Variants in MSH3 observed in about 807,000 individuals in gnomAD.
MSH3 encodes the protein mutS homolog 3.
In MSH3, 106 loss-of-function variants were observed where a neutral mutation model predicts 123.3. That is an observed-to-expected ratio of 0.86 (90% CI 0.73 to 1.01). The LOEUF is 1.01. Ranked by LOEUF, MSH3 falls within the 50% of genes least tolerant of loss-of-function variation. MSH3 has a pLI of 0.00. For synonymous variants in MSH3, 515 were observed against 481.4 expected, an observed-to-expected ratio of 1.07 and a Z score of -0.91; for missense variants, 1,459 against 1,347.6, an observed-to-expected ratio of 1.08 and a Z score of -1.29.
intron 23 of MSH3, among the ~76,000 whole-genome samples, chr5:80,873,574 C>G (rs1306404094): frequency 6.6e-6 from 1 of 152,134 alleles, no homozygotes; most frequent in Non-Finnish European, 1.5e-5. Context: ...TTTAAAGATT[C>G]AGTATGCCAA....
intron 8 of MSH3, among the ~76,000 whole-genome samples, chr5:80,688,874 T>C (rs1750160109): frequency 6.6e-6 from 1 of 152,210 alleles, no homozygotes; most frequent in South Asian, 2.1e-4. Flanking sequence ...AATTTCGTGA[T>C]TGCAGTGTTA....
At position 80,834,103 on chromosome 5, in the gene MSH3, G is replaced by A. The variant is rs141706923; in HGVS notation, c.2814-20027G>A. On this transcript the variant is annotated intron_variant, in intron 20 of 23. Coordinates refer to ENST00000265081, the MANE Select transcript of MSH3 (RefSeq NM_002439.5). ...TCATGAGCCAGTATTTCTTCAGTGT[G>A]TATTCAGCATTGCTACTTCCATTGG... 7.4e-3 allele frequency among the ~76,000 whole-genome samples: 1,127 copies of A among 152,272 alleles called. 8 individuals carry two copies. Among genetic ancestry groups the A allele is most frequent in the Middle Eastern group, 0.058 (17 of 294 alleles).
In MSH3 at chr5:80,860,458, T is replaced by TTC. The variant is rs1444074061; in HGVS notation, c.3001-4355_3001-4354insTC. 6.2e-4 allele frequency among the ~76,000 whole-genome samples: 94 copies of TTC among 151,340 alleles called. 1 individual carries two copies. The highest frequency in any genetic ancestry group is 3.3e-3 in the South Asian group (16 of 4,804). Reference sequence around the variant, plus strand: ...GAGGTTTGTTGTTTTTTTTTTTTTTTCCTCTCAAAACTTTAGATATTTTAC... The same window carrying TTC: ...GAGGTTTGTTGTTTTTTTTTTTTTTTTCCCTCTCAAAACTTTAGATATTTTAC... On this transcript the variant is annotated intron_variant, in intron 21 of 23. Transcript: ENST00000265081.
chr5:80,693,640 C>A (rs1036903428), intron 8 of MSH3, among the ~76,000 whole-genome samples: 2 of 144,640 alleles, frequency 1.4e-5, no homozygotes, highest in Non-Finnish European at 3.1e-5. Flanking sequence ...CACACACACA[C>A]ACACACACAA....
chr5:80,810,860 A>T (rs1001399408), intron 19 of MSH3, among the ~76,000 whole-genome samples: 1 of 152,076 alleles, frequency 6.6e-6, no homozygotes, highest in Non-Finnish European at 1.5e-5. Context: ...ACTATGGTAA[A>T]TTGTATCATT....
chr5:80,800,976 G>A (rs1744780197), intron 19 of MSH3, among the ~76,000 whole-genome samples: 1 of 152,180 alleles, frequency 6.6e-6, no homozygotes, highest in Non-Finnish European at 1.5e-5. Flanking sequence ...GGGAGTTGAT[G>A]TTTGAGTGTA....
At chr5:80,700,447 T>C (rs896032539) in intron 8 of MSH3, among the ~76,000 whole-genome samples, 1 of 152,212 alleles carries the variant, frequency 6.6e-6, no homozygotes, top group East Asian at 1.9e-4. Flanking sequence ...TGTTTGCCAC[T>C]GGGAAACCAT....
At chr5:80,785,910 A>G (rs909708606) in intron 17 of MSH3, among the ~76,000 whole-genome samples, 2 of 143,166 alleles carry the variant, frequency 1.4e-5, no homozygotes, top group African/African-American at 5.1e-5. Context: ...CAAACACCAC[A>G]TGTTCTTACT....
Position 80,792,850 on chromosome 5 carries a change from T to A in MSH3, c.2655+6T>A. ...CAAATAATACAGATTTATCAGTAAGTACCTTATGCCAAAAAATAAGTCGAT... is the reference window on the plus strand; with the variant it reads ...CAAATAATACAGATTTATCAGTAAGAACCTTATGCCAAAAAATAAGTCGAT... On this transcript the variant is annotated splice_donor_region_variant and intron_variant, in intron 19 of 23. Coordinates refer to ENST00000265081, the MANE Select transcript of MSH3 (RefSeq NM_002439.5). 6.5e-7 allele frequency: 1 copy of A among 1,539,568 alleles called. No individual in the cohort carries two copies. Among genetic ancestry groups the A allele is most frequent in the Non-Finnish European group, 9.0e-7 (1 of 1,112,748 alleles).
At chr5:80,708,947 G>T (rs949337074) in intron 8 of MSH3, among the ~76,000 whole-genome samples, 27 of 151,828 alleles carry the variant, frequency 1.8e-4, no homozygotes, top group Non-Finnish European at 3.2e-4. Context: ...GCTAATTTTT[G>T]TATTTTCAGT....
At chr5:80,678,569 A>C (rs1749893215) in intron 7 of MSH3, among the ~76,000 whole-genome samples, 2 of 152,148 alleles carry the variant, frequency 1.3e-5, no homozygotes, top group Non-Finnish European at 2.9e-5. Flanking sequence ...TTATAATTTG[A>C]TCCTTACAAT....
chr5:80,817,407 A>AG (rs1486194829), intron 20 of MSH3, among the ~76,000 whole-genome samples: 1 of 152,140 alleles, frequency 6.6e-6, no homozygotes, highest in Non-Finnish European at 1.5e-5. Flanking sequence ...CAGGAAGTAG[A>AG]GGGGGTTAGT....
chr5:80,678,325 T>C (rs1192442125), intron 7 of MSH3, among the ~76,000 whole-genome samples: 1 of 152,172 alleles, frequency 6.6e-6, no homozygotes, highest in Non-Finnish European at 1.5e-5. Context: ...ATTATTGGCT[T>C]AGGATGTTAG....
intron 17 of MSH3, among the ~76,000 whole-genome samples, chr5:80,786,050 A>C (rs1482253667): frequency 1.3e-5 from 2 of 152,006 alleles, no homozygotes; most frequent in Admixed American, 6.6e-5. Context: ...CTAGATGACG[A>C]GTTAGTGGGT....
At chr5:80,835,347 C>T (rs1209163564) in intron 20 of MSH3, among the ~76,000 whole-genome samples, 1 of 152,154 alleles carries the variant, frequency 6.6e-6, no homozygotes, top group Non-Finnish European at 1.5e-5. Flanking sequence ...GAGGCATCTA[C>T]AAATGAGTAG....
In MSH3 at chr5:80,873,899, A is replaced by T. The variant is rs576670926; in HGVS notation, c.3302+612A>T. Among the ~76,000 whole-genome samples, 4 of 152,336 alleles carry T rather than the reference A, an allele frequency of 2.6e-5. No individual in the cohort carries two copies. In the East Asian group the frequency reaches 7.7e-4, roughly 29 times the overall value. Reference sequence around the variant, plus strand: ...ACCTGAGATACACTTTGAAAGAAAGATATTCCTAGAAAAATATCATATTAG... The same window carrying T: ...ACCTGAGATACACTTTGAAAGAAAGTTATTCCTAGAAAAATATCATATTAG... On this transcript the variant is annotated intron_variant, in intron 23 of 23. Coordinates refer to ENST00000265081, the MANE Select transcript of MSH3 (RefSeq NM_002439.5).
At chr5:80,753,469 AC>A (rs1311401598) in intron 12 of MSH3, among the ~76,000 whole-genome samples, 2 of 152,166 alleles carry the variant, frequency 1.3e-5, no homozygotes, top group Non-Finnish European at 2.9e-5. Flanking sequence ...ATAACCATGA[AC>A]AATTGAGGAA....
At position 80,829,892 on chromosome 5, in the gene MSH3, A is replaced by G. The variant is rs6151899; in HGVS notation, c.2813+16151A>G. On this transcript the variant is annotated intron_variant, in intron 20 of 23. Coordinates refer to ENST00000265081, the MANE Select transcript of MSH3 (RefSeq NM_002439.5). Reference sequence around the variant, plus strand: ...TTTCTATTTTAGAAGGTTAATACTTATTGATTCAATTTCTTTAATAGATAC... The same window carrying G: ...TTTCTATTTTAGAAGGTTAATACTTGTTGATTCAATTTCTTTAATAGATAC... 6.2e-3 allele frequency among the ~76,000 whole-genome samples: 950 copies of G among 152,272 alleles called. 7 individuals are homozygous for G. Among genetic ancestry groups the G allele is most frequent in the African/African-American group, 0.022 (916 of 41,554 alleles).
At chr5:80,859,443 T>C (rs895249177) in intron 21 of MSH3, among the ~76,000 whole-genome samples, 1 of 152,132 alleles carries the variant, frequency 6.6e-6, no homozygotes, top group African/African-American at 2.4e-5. Flanking sequence ...ATATTTTTAA[T>C]ATGTAGTTAT....
Sources: allele counts gnomAD v4.1 joint callset (sites outside exome capture counted in the v4.1 genomes callset), GRCh38; gene constraint gnomAD v4.1.1; transcripts MANE v1.5; gene names NCBI Gene and HGNC (gene_info 2026-07-23, HGNC 2026-07-21).